GDPD4: variants seen among roughly 807,000 people sequenced by gnomAD.
GDPD4 encodes the protein glycerophosphodiester phosphodiesterase domain containing 4, also known as glycerophosphodiester phosphodiesterase 6.
In GDPD4, 60 loss-of-function variants were observed where a neutral mutation model predicts 67.8. The ratio of observed to expected loss-of-function variants is 0.88; its 90% confidence interval spans 0.72 to 1.10. The LOEUF (loss-of-function observed/expected upper bound fraction) is 1.10. GDPD4 is among the 50% of genes least tolerant of loss of function. The pLI is 0.00. For synonymous variants in GDPD4, 212 were observed against 210.9 expected, an observed-to-expected ratio of 1.00 and a Z score of -0.04; for missense variants, 623 against 613.9, an observed-to-expected ratio of 1.01 and a Z score of -0.16.
rs1960034322 is a variant in GDPD4 at position 77,287,272 on chromosome 11, G to C, written c.-105C>G. ...TTTTTTCCCATTGTCTGAATTTCCA[G>C]AGGCAACTATAGCAGCCAGTAAGGA... On this transcript the variant is annotated 5_prime_UTR_variant, in exon 2 of 17. Transcript: ENST00000315938. The C allele has an allele frequency of 6.6e-6, 1 of 152,204 alleles. No homozygotes were observed. The highest frequency in any genetic ancestry group is 2.1e-4 in the South Asian group (1 of 4,824). 9.4% of individuals were successfully genotyped at this position (152,204 alleles called of 1,614,324 possible). A position where few individuals can be genotyped will look rare whatever the true frequency, so the allele number is the denominator to read the frequency against.
chr11:77,218,229 ATTCT>A (rs146229825), intron 16 of GDPD4, among the ~76,000 whole-genome samples: 3,260 of 152,024 alleles, frequency 0.021, 128 homozygotes, highest in African/African-American at 0.075. Flanking sequence ...TTATTTGGGC[ATTCT>A]TTCTCTCACT....
intron 13 of GDPD4, among the ~76,000 whole-genome samples, chr11:77,234,225 A>G (rs1362500046): frequency 6.6e-6 from 1 of 152,208 alleles, no homozygotes; most frequent in African/African-American, 2.4e-5. Flanking sequence ...TAGTTATCCA[A>G]TATGTTAGAA....
At position 77,233,009 on chromosome 11, in the gene GDPD4, T is replaced by C; in HGVS notation, c.1389+16A>G. 1 of 1,613,298 alleles carries C rather than the reference T, an allele frequency of 6.2e-7. No homozygotes were observed. The highest frequency in any genetic ancestry group is 8.5e-7 in the Non-Finnish European group (1 of 1,179,352). ...TCATACCAAGCCTGGAAGAACAATC[T>C]GGACAACCAGCTCACCATGAAGAAG... On this transcript the variant is annotated intron_variant, in intron 14 of 16. Transcript: ENST00000315938.
intron 11 of GDPD4, among the ~76,000 whole-genome samples, chr11:77,257,589 A>ACC (rs1959028784): frequency 6.8e-6 from 1 of 146,700 alleles, no homozygotes; most frequent in Non-Finnish European, 1.5e-5. Context: ...ACACACACAC[A>ACC]CACACCCTGT....
chr11:77,250,937 T>TA (rs1306281005), intron 11 of GDPD4, among the ~76,000 whole-genome samples: 1 of 152,246 alleles, frequency 6.6e-6, no homozygotes, highest in Admixed American at 6.5e-5. Context: ...GTTTTGGAAC[T>TA]AAACTCTGTT....
At chr11:77,262,255 A>C (rs973511797) in intron 10 of GDPD4, among the ~76,000 whole-genome samples, 9 of 152,196 alleles carry the variant, frequency 5.9e-5, no homozygotes, top group Non-Finnish European at 1.0e-4. Context: ...ACTACAAAGC[A>C]GTTTCATTCC....
intron 2 of GDPD4, among the ~76,000 whole-genome samples, chr11:77,286,608 T>C (rs1481457605): frequency 6.6e-6 from 1 of 152,218 alleles, no homozygotes; most frequent in Non-Finnish European, 1.5e-5. Flanking sequence ...TAAAGGTACA[T>C]GATTTTGCTC....
chr11:77,227,495 C>T (rs1256892409), intron 16 of GDPD4, among the ~76,000 whole-genome samples: 1 of 152,172 alleles, frequency 6.6e-6, no homozygotes, highest in Non-Finnish European at 1.5e-5. Context: ...AGGACCAGCC[C>T]CTCCCCTCTC....
intron 3 of GDPD4, among the ~76,000 whole-genome samples, chr11:77,284,737 G>C (rs1959920130): frequency 6.6e-6 from 1 of 152,154 alleles, no homozygotes; most frequent in Non-Finnish European, 1.5e-5. Context: ...AGATCATGAA[G>C]ACCAACTAGT....
At chr11:77,221,485 A>G (rs983592610) in intron 16 of GDPD4, among the ~76,000 whole-genome samples, 1 of 152,094 alleles carries the variant, frequency 6.6e-6, no homozygotes, top group Non-Finnish European at 1.5e-5. Flanking sequence ...TCATTTCGTT[A>G]TGTACCCAGT....
At chr11:77,269,604 C>T (rs914667499) in intron 8 of GDPD4, among the ~76,000 whole-genome samples, 2 of 152,146 alleles carry the variant, frequency 1.3e-5, no homozygotes, top group Non-Finnish European at 2.9e-5. Context: ...ATGGGGCTGT[C>T]CTGCTGCTTA....
At chr11:77,272,957 C>T (rs1005728858) in intron 5 of GDPD4, among the ~76,000 whole-genome samples, 3 of 151,918 alleles carry the variant, frequency 2.0e-5, no homozygotes, top group Non-Finnish European at 4.4e-5. Flanking sequence ...TTTTATGGAG[C>T]ATCATTATTT....
At chr11:77,263,008 C>T (rs1442496908) in intron 10 of GDPD4, among the ~76,000 whole-genome samples, 2 of 151,964 alleles carry the variant, frequency 1.3e-5, no homozygotes, top group Admixed American at 6.6e-5. Context: ...CAACTGTCAA[C>T]TTAGAATTCT....
In GDPD4 at chr11:77,258,437, G is replaced by C. The variant is rs1413709959; in HGVS notation, c.813C>G (p.Asn271Lys). The change falls in exon 11 of 17, where the codon AAC (asparagine) becomes AAG (lysine). Residue 271 changes from asparagine to lysine, a missense_variant. Physicochemically the swap from Asn to Lys is moderately conservative, Grantham distance 94. Transcript: ENST00000315938. ...CATTCAGAGTCGATAGGAAATCCCA[G>C]TTGAAGAAGGCAGGGTTCTCGCAGG... ...ESACENPAFF[N>K]WDFLSTLNAG... is the part of the protein sequence containing the mutation. The C allele has an allele frequency of 6.2e-7, 1 of 1,614,146 alleles. No individual in the cohort carries two copies. The highest frequency in any genetic ancestry group is 1.3e-5 in the African/African-American group (1 of 75,050).
intron 11 of GDPD4, among the ~76,000 whole-genome samples, chr11:77,248,085 GA>G (rs1165214172): frequency 7.0e-6 from 1 of 142,704 alleles, no homozygotes; most frequent in African/African-American, 2.5e-5. Context: ...AAGAAAGAAA[GA>G]AATAGAAGGA....
chr11:77,252,065 G>GTTTT (rs71043561), intron 11 of GDPD4, among the ~76,000 whole-genome samples: 4 of 127,430 alleles, frequency 3.1e-5, no homozygotes, highest in East Asian at 2.2e-4. Flanking sequence ...TTTTTTTTTT[G>GTTTT]TTTTTTTTTT....
chr11:77,239,720 G>C (rs536250903), intron 13 of GDPD4, among the ~76,000 whole-genome samples: 104 of 152,264 alleles, frequency 6.8e-4, no homozygotes, highest in African/African-American at 2.2e-3. Flanking sequence ...CAGCACTTTG[G>C]GGGGCTGAGG....
intron 1 of GDPD4, among the ~76,000 whole-genome samples, chr11:77,288,207 G>A (rs1245753243): frequency 1.3e-5 from 2 of 152,074 alleles, no homozygotes; most frequent in Non-Finnish European, 2.9e-5. Context: ...TGTTACCTGG[G>A]AGACCAAAGA....
chr11:77,285,390 T>A (rs562678849), intron 2 of GDPD4, among the ~76,000 whole-genome samples: 1 of 152,222 alleles, frequency 6.6e-6, no homozygotes, highest in African/African-American at 2.4e-5. Context: ...ACTGGAATTA[T>A]GCATTTATGT....
Sources: allele counts gnomAD v4.1 joint callset (sites outside exome capture counted in the v4.1 genomes callset), GRCh38; gene constraint gnomAD v4.1.1; transcripts MANE v1.5; gene names NCBI Gene and HGNC (gene_info 2026-07-23, HGNC 2026-07-21).